The following NCOR2 variants were observed in gnomAD, a reference collection of about 807,000 sequenced individuals.
NCOR2 encodes the protein CTG repeat protein 26.
A neutral mutation model predicts 262.9 loss-of-function variants in NCOR2; 81 were observed. The observed-to-expected ratio is 0.31, with a 90% CI of 0.26 to 0.37. The LOEUF (loss-of-function observed/expected upper bound fraction) is 0.37, where lower values mean the gene tolerates loss of function less well. NCOR2 is among the 10% of genes least tolerant of loss of function. The probability of loss-of-function intolerance (pLI) is 1.00; values close to 1 mark genes in which losing one functional copy is unlikely to be tolerated. For missense variants in NCOR2, 3,385 were observed against 3,621.4 expected (o/e 0.93, Z 1.68); for synonymous variants, 1,659 against 1,559.3 (o/e 1.06, Z -1.51).
Position 124,443,091 on chromosome 12 carries a change from T to C in NCOR2, c.816-5095A>G, listed in dbSNP as rs1330001024. Among the ~76,000 whole-genome samples the C allele has an allele frequency of 1.3e-5, 2 of 152,152 alleles. No individual in the cohort carries two copies. The highest frequency in any genetic ancestry group is 2.9e-5 in the Non-Finnish European group (2 of 68,032). ...TTCCAACTGCTGGCCTCCAGTACTG[T>C]GAGAGAAGAAAGTTCCTGCCATTTT... On this transcript the variant is annotated intron_variant, in intron 7 of 46. Coordinates refer to ENST00000405201, the Ensembl canonical transcript of NCOR2. The surrounding 1 kb of genome is among the most constrained non-coding windows in gnomAD (Gnocchi z 4.4).
rs2052237043 is a variant in NCOR2 at position 124,566,338 on chromosome 12, A to G, written c.-165+970T>C. ...GGCGGCGGGAGGACACTCGCTTCCA[A>G]AAAAATAAACCTACAATGTAAAAAT... On this transcript the variant is annotated intron_variant, in intron 1 of 32. Coordinates refer to the NCOR2 transcript ENST00000458234. This position sits in a 1 kb window ranked among gnomAD's most constrained non-coding sequence, Gnocchi z 4.3. Among the ~76,000 whole-genome samples the G allele has an allele frequency of 6.6e-6, 1 of 152,174 alleles. No individual in the cohort carries two copies. Among genetic ancestry groups the G allele is most frequent in the Non-Finnish European group, 1.5e-5 (1 of 68,024 alleles).
Position 124,457,095 on chromosome 12 carries a change from C to T in NCOR2, c.762+11G>A, listed in dbSNP as rs780788498. 2.8e-6 allele frequency: 3 copies of T among 1,087,148 alleles called. No individual in the cohort carries two copies. Among genetic ancestry groups the T allele is most frequent in the East Asian group, 1.2e-4 (2 of 16,926 alleles). 67.3% of individuals were successfully genotyped at this position (1,087,148 alleles called of 1,614,324 possible). A position where few individuals can be genotyped will look rare whatever the true frequency, so the allele number is the denominator to read the frequency against. On this transcript the variant is annotated intron_variant, in intron 6 of 46. Transcript: ENST00000405201. This position sits in a 1 kb window ranked among gnomAD's most constrained non-coding sequence, Gnocchi z 4.0. Reference sequence around the variant, plus strand: ...CCTCCCCTGAGCCCCTGACCCTGTACCCCAGCTCACCAGCTCCACCTGGGG... The same window carrying T: ...CCTCCCCTGAGCCCCTGACCCTGTATCCCAGCTCACCAGCTCCACCTGGGG...
At chr12:124,423,033 G>A (rs1323712229) in intron 11 of NCOR2, among the ~76,000 whole-genome samples, 1 of 152,220 alleles carries the variant, frequency 6.6e-6, no homozygotes, top group African/African-American at 2.4e-5. Context: ...GGGAGCAGAG[G>A]CTCTGAGTGC....
At chr12:124,358,361 G>C (rs1451487163) in intron 22 of NCOR2, among the ~76,000 whole-genome samples, 1 of 149,680 alleles carries the variant, frequency 6.7e-6, no homozygotes, top group East Asian at 1.9e-4. Flanking sequence ...TGTTGAAGGA[G>C]GTAACCTGTG....
intron 16 of NCOR2, among the ~76,000 whole-genome samples, chr12:124,397,098 A>G (rs2041724627): frequency 6.6e-6 from 1 of 152,086 alleles, no homozygotes; most frequent in Admixed American, 6.5e-5. Context: ...GCCCACAAAC[A>G]GGGACATGGG....
intron 22 of NCOR2, 52 bp downstream of exon 24, chr12:124,362,074 C>G: frequency 8.0e-7 from 1 of 1,247,558 alleles, no homozygotes. Flanking sequence ...ACATCCCTTG[C>G]CCGTCAGTCC....
At chr12:124,367,442 G>A (rs185036223) in intron 20 of NCOR2, among the ~76,000 whole-genome samples, 125 of 152,214 alleles carry the variant, frequency 8.2e-4, no homozygotes, top group African/African-American at 2.6e-3. Context: ...AGTTCTCGAG[G>A]GGAACGAGAG....
intron 8 of NCOR2, among the ~76,000 whole-genome samples, chr12:124,431,209 CACAT>C (rs1322586761): frequency 4.6e-5 from 7 of 151,400 alleles, no homozygotes; most frequent in African/African-American, 9.8e-5. Context: ...CAGGCACACA[CACAT>C]ACAGTCAGAC....
At chr12:124,340,797 G>A (rs764726255) in intron 34 of NCOR2, 46 bp from the exon 37 acceptor site, 2 of 1,456,694 alleles carry the variant, frequency 1.4e-6, no homozygotes, top group Non-Finnish European at 1.8e-6. Flanking sequence ...GGAGGAGAGA[G>A]GCCAGGCTGC....
At chr12:124,429,727 CT>C in intron 9 of NCOR2, 21 bp from the exon 12 acceptor site, 1 of 1,582,176 alleles carries the variant, frequency 6.3e-7, no homozygotes, top group Non-Finnish European at 8.6e-7. Flanking sequence ...AGGGGACACA[CT>C]CAGGACCGGT....
At chr12:124,449,513 T>C (rs2045390802) in intron 7 of NCOR2, among the ~76,000 whole-genome samples, 1 of 152,182 alleles carries the variant, frequency 6.6e-6, no homozygotes, top group Non-Finnish European at 1.5e-5. Flanking sequence ...AGGATGCAGA[T>C]GTACAGCCTG....
Position 124,481,553 on chromosome 12 carries a change from C to T in NCOR2, c.411+2043G>A, listed in dbSNP as rs1182380461. Reference sequence around the variant, plus strand: ...GGAATGTGCCTGGGGGAGGGCGCTCCTGCGGAGGGCACAGCCGGTGCAAAG... The same window carrying T: ...GGAATGTGCCTGGGGGAGGGCGCTCTTGCGGAGGGCACAGCCGGTGCAAAG... On this transcript the variant is annotated intron_variant, in intron 3 of 46. Transcript: ENST00000405201. This position sits in a 1 kb window ranked among gnomAD's most constrained non-coding sequence, Gnocchi z 4.6. 6.6e-6 allele frequency among the ~76,000 whole-genome samples: 1 copy of T among 152,188 alleles called. No homozygotes were observed. The highest frequency in any genetic ancestry group is 1.5e-5 in the Non-Finnish European group (1 of 68,008).
exon 20 of NCOR2, chr12:124,372,553 G>A (rs375794210): frequency 2.5e-6 from 4 of 1,598,180 alleles, no homozygotes; most frequent in Non-Finnish European, 3.4e-6. Context: ...TGTGTCCTTG[G>A]CGGCCTCAGT....
chr12:124,399,608 AACT>A (rs2136191710), intron 15 of NCOR2, among the ~76,000 whole-genome samples: 1 of 152,282 alleles, frequency 6.6e-6, no homozygotes, highest in Non-Finnish European at 1.5e-5. Flanking sequence ...AATAGGTCCA[AACT>A]ACATCCCACG....
intron 1 of NCOR2, among the ~76,000 whole-genome samples, chr12:124,553,628 C>A (rs1482011640): frequency 1.3e-5 from 2 of 152,226 alleles, no homozygotes; most frequent in African/African-American, 4.8e-5. Context: ...CAGACAGAGC[C>A]CTGTGGCCTA....
intron 13 of NCOR2, among the ~76,000 whole-genome samples, chr12:124,411,261 C>T (rs1201810159): frequency 5.9e-5 from 9 of 151,532 alleles, no homozygotes; most frequent in South Asian, 2.1e-4. Flanking sequence ...CCCGTGTGCG[C>T]GCATACACAC....
chr12:124,545,674 C>T (rs1356646718), intron 1 of NCOR2, among the ~76,000 whole-genome samples: 1 of 152,192 alleles, frequency 6.6e-6, no homozygotes, highest in Non-Finnish European at 1.5e-5. Flanking sequence ...GGCCCTGAGT[C>T]AGAGCAAGAA....
rs1469345525 is a variant in NCOR2, at chr12:124,334,967, G to A, written c.6411+168C>T. The A allele has an allele frequency of 9.0e-6, 9 of 1,003,692 alleles. No individual in the cohort carries two copies. The African/African-American group carries it at 1.4e-4, about 16-fold the overall frequency. The allele number at this position is 1,003,692 out of a possible 1,614,324, so 62.2% of individuals were successfully genotyped here. A position where few individuals can be genotyped will look rare whatever the true frequency, so the allele number is the denominator to read the frequency against. ...GGCGGTGATGGTGCCGGTGCTCGGG[G>A]CTTTGGGATCTCACCCTCACCCACG... On this transcript the variant is annotated intron_variant, in intron 40 of 46. Transcript: ENST00000405201.
At chr12:124,369,420 G>T (rs1408481343) in intron 20 of NCOR2, among the ~76,000 whole-genome samples, 1 of 152,154 alleles carries the variant, frequency 6.6e-6, no homozygotes, top group South Asian at 2.1e-4. Flanking sequence ...GGGGCTGCCA[G>T]GCAGGAGGGA....
Sources: allele counts gnomAD v4.1 joint callset (sites outside exome capture counted in the v4.1 genomes callset), GRCh38; gene constraint gnomAD v4.1.1; non-coding constraint Gnocchi (gnomAD v3.1); transcripts MANE v1.5; gene names NCBI Gene and HGNC (gene_info 2026-07-23, HGNC 2026-07-21).